Variants in ARSG observed in about 807,000 individuals in gnomAD.
ARSG encodes the protein ASG.
A neutral mutation model predicts 50.5 loss-of-function variants in ARSG; 37 were observed. The observed-to-expected ratio is 0.73, with a 90% CI of 0.56 to 0.96. The LOEUF is 0.96. Ranked by LOEUF, ARSG falls within the 50% of genes least tolerant of loss-of-function variation. The probability of loss-of-function intolerance (pLI) is 0.00; values close to 1 mark genes in which losing one functional copy is unlikely to be tolerated. For synonymous variants in ARSG, 225 were observed against 254.6 expected (o/e 0.88, Z 1.11); for missense variants, 629 against 675.3 (o/e 0.93, Z 0.76).
chr17:68,356,832 C>T, intron 6 of ARSG, 28 bp downstream of exon 6: 1 of 1,613,252 alleles, frequency 6.2e-7, no homozygotes, highest in South Asian at 1.1e-5. Flanking sequence ...CTCCGCAGGG[C>T]CTCCCCCTGC....
the ARSG span, among the ~76,000 whole-genome samples, chr17:68,451,624 A>C: frequency 3.3e-5 from 5 of 152,284 alleles, no homozygotes; most frequent in African/African-American, 1.2e-4. Flanking sequence ...CAAAGGCGTG[A>C]CTTCTCAGTT....
chr17:68,387,532 A>C (rs1239348233), intron 9 of ARSG, among the ~76,000 whole-genome samples: 1 of 152,134 alleles, frequency 6.6e-6, no homozygotes, highest in Non-Finnish European at 1.5e-5. Context: ...TGTTAAGCAA[A>C]TTTGGGCGGA....
At chr17:68,445,499 G>A in the ARSG span, among the ~76,000 whole-genome samples, 1 of 149,358 alleles carries the variant, frequency 6.7e-6, no homozygotes, top group Non-Finnish European at 1.5e-5. Context: ...AAAAGGAGAA[G>A]GGCTTCGGCC....
the ARSG span, among the ~76,000 whole-genome samples, chr17:68,434,052 G>A: frequency 6.6e-6 from 1 of 151,948 alleles, no homozygotes; most frequent in East Asian, 1.9e-4. Flanking sequence ...TTACAGACGT[G>A]AGCCACCGCG....
intron 2 of ARSG, among the ~76,000 whole-genome samples, chr17:68,342,024 T>G (rs2078291487): frequency 6.6e-6 from 1 of 151,986 alleles, no homozygotes; most frequent in Non-Finnish European, 1.5e-5. Context: ...TTCGCCATGT[T>G]GGCCAGGCTG....
At chr17:68,274,651 A>G (rs1555750318) in intron 1 of ARSG, 2 of 152,230 alleles carry the variant, frequency 1.3e-5, no homozygotes, top group African/African-American at 4.8e-5. Context: ...AAAATTAGAT[A>G]TGTATTGAAT....
chr17:68,341,004 C>T (rs1341210050), intron 2 of ARSG, among the ~76,000 whole-genome samples: 3 of 152,124 alleles, frequency 2.0e-5, no homozygotes, highest in Non-Finnish European at 4.4e-5. Flanking sequence ...AATATAATTA[C>T]TTGTTTGCTT....
At chr17:68,285,196 T>G (rs2075813401) in intron 1 of ARSG, among the ~76,000 whole-genome samples, 1 of 152,234 alleles carries the variant, frequency 6.6e-6, no homozygotes, top group Non-Finnish European at 1.5e-5. Flanking sequence ...CAGTAGCTAC[T>G]AAGACCAAGG....
At chr17:68,444,371 C>A in the ARSG span, 2 of 833,006 alleles carry the variant, frequency 2.4e-6, no homozygotes, top group Non-Finnish European at 2.0e-6. Flanking sequence ...TCGAGATAAA[C>A]CTCACTAAGA....
downstream of ARSG, chr17:68,426,254 G>GGGCCGCGCCCCCCCCCCCCC: frequency 1.2e-6 from 1 of 816,924 alleles, no homozygotes; most frequent in Non-Finnish European, 1.9e-6. Flanking sequence ...GGGAGCGGGG[G>GGGCCGCGCCCCCCCCCCCCC]CTCAAATAAA....
chr17:68,352,169 GAGAGAGAGAGAGAGACAGAGAC>G (rs2078826821), intron 5 of ARSG, among the ~76,000 whole-genome samples: 2 of 108,008 alleles, frequency 1.9e-5, no homozygotes, highest in Non-Finnish European at 4.6e-5. Flanking sequence ...GAGACAGAGA[GAGAGAGAGAGAGAGACAGAGAC>G]AGAGAGAGAG....
chr17:68,427,105 T>A (rs1297451883), downstream of ARSG: 1 of 1,568,104 alleles, frequency 6.4e-7, no homozygotes. Context: ...CTGTTGGAGA[T>A]GCTCCCCTGT....
At chr17:68,300,727 C>T (rs1555761506) in intron 1 of ARSG, among the ~76,000 whole-genome samples, 2 of 152,158 alleles carry the variant, frequency 1.3e-5, no homozygotes, top group African/African-American at 4.8e-5. Flanking sequence ...GTGACAGTCT[C>T]AACAGGTGGT....
chr17:68,404,407 G>A (rs187185934), intron 11 of ARSG, among the ~76,000 whole-genome samples: 1 of 152,202 alleles, frequency 6.6e-6, no homozygotes, highest in Non-Finnish European at 1.5e-5. Context: ...GTATAATTTG[G>A]TGAGGTTTTA....
intron 6 of ARSG, among the ~76,000 whole-genome samples, chr17:68,363,907 G>C (rs12952243): frequency 0.35 from 53,622 of 151,950 alleles, 11,278 homozygotes; most frequent in Non-Finnish European, 0.47. Flanking sequence ...CCATTTCAGA[G>C]AGACCCCTTG....
rs192544026 is a variant in ARSG, at chr17:68,331,578, T to C, written c.219-12026T>C. 6.6e-5 allele frequency among the ~76,000 whole-genome samples: 10 copies of C among 152,130 alleles called. No homozygotes were observed. The East Asian group carries it at 1.9e-3, about 29-fold the overall frequency. On this transcript the variant is annotated intron_variant, in intron 2 of 11. Transcript: ENST00000621439. ...GGTTTCACTGTGTTGCTCAGGCTGG[T>C]CTTGAACTCCTGAGCTCAGACAATC...
chr17:68,275,297 G>C (rs1422994840), intron 1 of ARSG, among the ~76,000 whole-genome samples: 1 of 152,098 alleles, frequency 6.6e-6, no homozygotes, highest in African/African-American at 2.4e-5. Context: ...ATTGAGAGTT[G>C]GGTCAAGGAA....
At chr17:68,393,782 G>A (rs892066084) in intron 9 of ARSG, among the ~76,000 whole-genome samples, 3 of 149,388 alleles carry the variant, frequency 2.0e-5, no homozygotes, top group Non-Finnish European at 2.9e-5. Context: ...CAGGAGAATC[G>A]CTTGAACCCT....
At chr17:68,401,163 C>T in intron 10 of ARSG, 197 bp from the exon 11 acceptor site, 1 of 558,218 alleles carries the variant, frequency 1.8e-6, no homozygotes, top group East Asian at 3.1e-5. Flanking sequence ...GCTAGGACCA[C>T]AGGTGTGCAC....
Sources: allele counts gnomAD v4.1 joint callset (sites outside exome capture counted in the v4.1 genomes callset), GRCh38; gene constraint gnomAD v4.1.1; transcripts MANE v1.5; gene names NCBI Gene and HGNC (gene_info 2026-07-23, HGNC 2026-07-21).